The following MKRN2 variants were observed in gnomAD, a reference collection of about 807,000 sequenced individuals.
The protein encoded by MKRN2 is makorin ring finger protein 2, also known as E3 ubiquitin-protein ligase makorin-2.
A neutral mutation model predicts 45.4 loss-of-function variants in MKRN2; 32 were observed. The ratio of observed to expected loss-of-function variants is 0.70; its 90% CI spans 0.53 to 0.95. The LOEUF (loss-of-function observed/expected upper bound fraction) is 0.95. Ranked by LOEUF, MKRN2 falls within the 40% of genes least tolerant of loss-of-function variation. The probability of loss-of-function intolerance (pLI) is 0.00; values close to 1 mark genes in which losing one functional copy is unlikely to be tolerated. For missense variants in MKRN2, 526 were observed against 536.7 expected, an observed-to-expected ratio of 0.98 and a Z score of 0.20; for synonymous variants, 206 against 192.4, an observed-to-expected ratio of 1.07 and a Z score of -0.59.
At position 12,566,093 on chromosome 3, in the gene MKRN2, G is replaced by A. The variant is rs562589311; in HGVS notation, c.27-2782G>A. On this transcript the variant is annotated intron_variant, in intron 1 of 7. Transcript: ENST00000170447. ...GACCTCAAACTCCTGGGTTCAAGCA[G>A]TCCTCACACCTTGGCCTCCTGAAGT... 1.5e-3 allele frequency among the ~76,000 whole-genome samples: 232 copies of A among 152,080 alleles called. 1 individual carries two copies. Among genetic ancestry groups the A allele is most frequent in the Non-Finnish European group, 2.8e-3 (187 of 67,976 alleles).
At position 12,582,404 on chromosome 3, in the gene MKRN2, T is replaced by C; in HGVS notation, c.*151T>C. 1 of 914,808 alleles carries C rather than the reference T, an allele frequency of 1.1e-6. No individual in the cohort carries two copies. Among genetic ancestry groups the C allele is most frequent in the African/African-American group, 1.7e-5 (1 of 60,256 alleles). The allele number at this position is 914,808 out of a possible 1,614,324, so 56.7% of individuals were successfully genotyped here. A position where few individuals can be genotyped will look rare whatever the true frequency, so the allele number is the denominator to read the frequency against. ...AGCCTTAGTCTCATTCAATCTCCAT[T>C]ATTACAGCCATGGGGAAGAGTGAAA... is the stretch of plus-strand genomic sequence containing the variant. On this transcript the variant is annotated 3_prime_UTR_variant, in exon 8 of 8. Coordinates refer to ENST00000170447, the MANE Select transcript of MKRN2 (RefSeq NM_014160.5).
chr3:12,582,546 C>CT lies in MKRN2; in HGVS notation c.*296dup, dbSNP rs2058191485. On this transcript the variant is annotated 3_prime_UTR_variant, in exon 8 of 8. Transcript: ENST00000170447. ...ACACCCAAACTGTTTGGATTGATTG[C>CT]TTTAAAAAACAAACCTGGCTCTTAC... The CT allele has an allele frequency of 3.5e-6, 1 of 289,626 alleles. No individual in the cohort carries two copies. The highest frequency in any genetic ancestry group is 6.5e-6 in the Non-Finnish European group (1 of 153,552). 17.9% of individuals were successfully genotyped at this position (289,626 alleles called of 1,614,324 possible). A position where few individuals can be genotyped will look rare whatever the true frequency, so the allele number is the denominator to read the frequency against.
At position 12,572,271 on chromosome 3, in the gene MKRN2, G is replaced by A. The variant is rs541300311; in HGVS notation, c.540G>A (p.Arg180=). Residue 180 remains arginine (R), a synonymous_variant, in exon 4 of 8, where the codon CGG becomes CGA. Coordinates refer to ENST00000170447, the MANE Select transcript of MKRN2 (RefSeq NM_014160.5). ...LCPYAAAGEC[R]FGDACVYLHG... The stretch of plus-strand genomic sequence containing the variant: ...CCTACGCAGCTGCTGGGGAGTGCCG[G>A]TTTGGGGATGCCTGTGTCTACCTGC... 29 of 1,614,062 alleles carry A rather than the reference G, an allele frequency of 1.8e-5. No homozygotes were observed. In the African/African-American group the frequency reaches 2.8e-4, roughly 16 times the overall value.
intron 6 of MKRN2, among the ~76,000 whole-genome samples, chr3:12,580,752 C>T (rs141667557): frequency 1.4e-3 from 217 of 152,330 alleles, no homozygotes; most frequent in Non-Finnish European, 2.4e-3. Context: ...AGCCACCACA[C>T]CCGGCCAGAG....
intron 6 of MKRN2, among the ~76,000 whole-genome samples, chr3:12,579,924 G>GA (rs936556706): frequency 6.7e-4 from 99 of 148,212 alleles, no homozygotes; most frequent in Admixed American, 1.7e-3. Flanking sequence ...TCTCTTTAAA[G>GA]AAAAAAAAAA....
chr3:12,572,361 G>C lies in MKRN2; in HGVS notation c.630G>C (p.Lys210Asn). The change falls in exon 4 of 8, where the codon AAG (lysine) becomes AAC (asparagine). Residue 210 changes from lysine (K) to asparagine (N), a missense_variant. By Grantham distance (94) the Lys-to-Asn change is moderately conservative. Coordinates refer to ENST00000170447, the MANE Select transcript of MKRN2 (RefSeq NM_014160.5). ...VLHPFDPEQR[K>N]AHEKICMLTF... ...ACCCATTCGACCCAGAGCAGAGGAA[G>C]GCTCATGAAAAGGTAAAGTCACAAA... The C allele has an allele frequency of 1.3e-6, 2 of 1,569,842 alleles. No individual in the cohort carries two copies. Among genetic ancestry groups the C allele is most frequent in the Non-Finnish European group, 1.7e-6 (2 of 1,154,762 alleles).
chr3:12,569,045 A>T, intron 2 of MKRN2, 42 bp downstream of exon 2: 3 of 1,587,294 alleles, frequency 1.9e-6, no homozygotes, highest in Non-Finnish European at 2.6e-6. Context: ...CACTGATTTC[A>T]TTTGGAGAAT....
In MKRN2 at chr3:12,574,946, A is replaced by G; in HGVS notation, c.797A>G (p.Tyr266Cys). ...ATTCTCTCCAATTGCAATCACACGT[A>G]CTGTTTGTCCTGCATCCGGCAGTGG... ...FGILSNCNHT[Y>C]CLSCIRQWRC... The change falls in exon 5 of 8, where the codon TAC (tyrosine) becomes TGC (cysteine). Residue 266 changes from tyrosine (Y) to cysteine (C), a missense_variant. By Grantham distance (194) the Tyr-to-Cys change is radical (BLOSUM62 -2). Transcript: ENST00000170447. 6.2e-7 allele frequency: 1 copy of G among 1,614,246 alleles called. No homozygotes were observed. The highest frequency in any genetic ancestry group is 8.5e-7 in the Non-Finnish European group (1 of 1,180,054).
rs184759895 is a variant in MKRN2, at chr3:12,568,293, A to G, written c.27-582A>G. On this transcript the variant is annotated intron_variant, in intron 1 of 7. Transcript: ENST00000170447. ...ACAGAGAGACTCCATCTCAAAACAA[A>G]AAACAAAAAACAGTGGCTTTATTGG... Among the ~76,000 whole-genome samples, 397 of 152,310 alleles carry G rather than the reference A, an allele frequency of 2.6e-3. 1 individual carries two copies. The highest frequency in any genetic ancestry group is 8.9e-3 in the African/African-American group (371 of 41,572).
At position 12,572,356 on chromosome 3, in the gene MKRN2, A is replaced by T; in HGVS notation, c.625A>T (p.Arg209Trp). The T allele has an allele frequency of 6.4e-7, 1 of 1,571,456 alleles. No individual in the cohort carries two copies. Among genetic ancestry groups the T allele is most frequent in the Non-Finnish European group, 8.7e-7 (1 of 1,155,792 alleles). The change falls in exon 4 of 8, where the codon AGG (arginine) becomes TGG (tryptophan). Residue 209 changes from arginine to tryptophan, a missense_variant. Coordinates refer to ENST00000170447, the MANE Select transcript of MKRN2 (RefSeq NM_014160.5). ...CTTGCACCCATTCGACCCAGAGCAG[A>T]GGAAGGCTCATGAAAAGGTAAAGTC... ...QVLHPFDPEQ[R>W]KAHEKICMLT...
At chr3:12,580,977 G>A (rs1012886479) in intron 6 of MKRN2, among the ~76,000 whole-genome samples, 5 of 152,062 alleles carry the variant, frequency 3.3e-5, no homozygotes, top group South Asian at 2.1e-4. Flanking sequence ...TCTGTACTCC[G>A]AGATGGCCCT....
intron 1 of MKRN2, among the ~76,000 whole-genome samples, chr3:12,566,483 T>C (rs1336173751): frequency 6.6e-6 from 1 of 152,248 alleles, no homozygotes; most frequent in African/African-American, 2.4e-5. Context: ...AGATGGTTTC[T>C]ATTCTGTGTC....
At chr3:12,572,797 C>G (rs2058107855) in intron 4 of MKRN2, among the ~76,000 whole-genome samples, 1 of 152,112 alleles carries the variant, frequency 6.6e-6, no homozygotes, top group South Asian at 2.1e-4. Flanking sequence ...GTTGGCCAGG[C>G]TGGTCTCGAA....
intron 1 of MKRN2, among the ~76,000 whole-genome samples, chr3:12,565,584 A>G (rs1416381958): frequency 8.4e-6 from 1 of 119,146 alleles, no homozygotes; most frequent in Non-Finnish European, 1.6e-5. Context: ...CACCCAGGCT[A>G]GAGTGCAGCA....
chr3:12,568,916 T>C lies in MKRN2; in HGVS notation c.68T>C (p.Leu23Pro). Residue 23 changes from leucine (L) to proline (P), a missense_variant, in exon 2 of 8, where the codon CTA (leucine) becomes CCA (proline). Transcript: ENST00000170447. ...GTGTGTCGGGAAGGAAGTCAGTGCC[T>C]ATTCTCACATGACTTGGCAAACAGC... ...HGVCREGSQCLFSHDLANSKP... is the reference protein window; with the variant it reads ...HGVCREGSQCPFSHDLANSKP... 4 of 1,614,144 alleles carry C rather than the reference T, an allele frequency of 2.5e-6. No homozygotes were observed. The South Asian group carries it at 3.3e-5, about 13-fold the overall frequency.
intron 1 of MKRN2, among the ~76,000 whole-genome samples, chr3:12,559,653 A>G (rs1031291088): frequency 2.0e-5 from 3 of 152,210 alleles, no homozygotes; most frequent in African/African-American, 7.2e-5. Flanking sequence ...CTGGAGTGGT[A>G]AAAATGACTG....
intron 2 of MKRN2, 134 bp downstream of exon 2, chr3:12,569,137 A>C (rs1020429699): frequency 2.7e-6 from 3 of 1,124,916 alleles, no homozygotes; most frequent in Non-Finnish European, 3.7e-6. Context: ...TTAAAACCTC[A>C]GTTTCAGTAC....
At position 12,559,031 on chromosome 3, in the gene MKRN2, G is replaced by A. The variant is rs1045333396; in HGVS notation, c.26+1855G>A. 3.8e-4 allele frequency among the ~76,000 whole-genome samples: 58 copies of A among 152,222 alleles called. 1 individual carries two copies. Among genetic ancestry groups the A allele is most frequent in the African/African-American group, 7.7e-4 (32 of 41,532 alleles). ...ACTGTAGGGCCTCCAGATAAGTTTTGAAATGCTAAATTAAAATTTATTTAT... is the reference window on the plus strand; with the variant it reads ...ACTGTAGGGCCTCCAGATAAGTTTTAAAATGCTAAATTAAAATTTATTTAT... On this transcript the variant is annotated intron_variant, in intron 1 of 7. Coordinates refer to ENST00000170447, the MANE Select transcript of MKRN2 (RefSeq NM_014160.5).
At chr3:12,561,140 A>C (rs1216585832) in intron 1 of MKRN2, 3 of 152,196 alleles carry the variant, frequency 2.0e-5, no homozygotes, top group Non-Finnish European at 4.4e-5. Flanking sequence ...TGGTCTAGAA[A>C]TTATTTTTGA....
Sources: allele counts gnomAD v4.1 joint callset (sites outside exome capture counted in the v4.1 genomes callset), GRCh38; gene constraint gnomAD v4.1.1; transcripts MANE v1.5; gene names NCBI Gene and HGNC (gene_info 2026-07-23, HGNC 2026-07-21).